Variants in MORN3 observed in about 807,000 individuals in gnomAD.
MORN3 encodes MORN repeat-containing protein 3.
A neutral mutation model predicts 34.7 loss-of-function variants in MORN3; 38 were observed. That is an observed-to-expected ratio of 1.10 (90% CI 0.85 to 1.44). MORN3 has a LOEUF of 1.44. MORN3 is among the 40% of genes most tolerant of loss of function. The probability of loss-of-function intolerance (pLI) is 0.00; values close to 1 mark genes in which losing one functional copy is unlikely to be tolerated. For missense variants in MORN3, 311 were observed against 321.7 expected (o/e 0.97, Z 0.25); for synonymous variants, 109 against 115.3 (o/e 0.95, Z 0.35).
At chr12:121,654,211 G>T in intron 3 of MORN3, 63 bp downstream of exon 3, 1 of 1,393,168 alleles carries the variant, frequency 7.2e-7, no homozygotes, top group Non-Finnish European at 9.7e-7. Context: ...CCAAATGGGC[G>T]TGGCCAGCTC....
chr12:121,669,336 C>T lies in MORN3; in HGVS notation c.145+3G>A. ...CGGCCGCCCGTCCCGGAGTCCCACTCACCGTGTTTCACGTTGTCCTTCCAC... is the reference window on the plus strand; with the variant it reads ...CGGCCGCCCGTCCCGGAGTCCCACTTACCGTGTTTCACGTTGTCCTTCCAC... On this transcript the variant is annotated splice_donor_region_variant and intron_variant, in intron 1 of 5. Transcript: ENST00000355329. The T allele has an allele frequency of 6.2e-7, 1 of 1,613,214 alleles. No homozygotes were observed. The highest frequency in any genetic ancestry group is 8.5e-7 in the Non-Finnish European group (1 of 1,179,448).
intron 1 of MORN3, among the ~76,000 whole-genome samples, chr12:121,662,366 T>G (rs146073658): frequency 6.6e-6 from 1 of 151,834 alleles, no homozygotes; most frequent in East Asian, 1.9e-4. Context: ...ACTCAGTAGG[T>G]TGAGGTAGGA....
chr12:121,669,222 G>C, intron 1 of MORN3, 117 bp downstream of exon 1: 1 of 1,388,660 alleles, frequency 7.2e-7, no homozygotes, highest in Non-Finnish European at 9.9e-7. Context: ...CTCACCCTGG[G>C]GGAGCCTTGG....
At chr12:121,662,219 C>A (rs1893605306) in intron 1 of MORN3, among the ~76,000 whole-genome samples, 1 of 152,046 alleles carries the variant, frequency 6.6e-6, no homozygotes, top group Non-Finnish European at 1.5e-5. Context: ...ATAATCCCAG[C>A]AATTTGGGAG....
At chr12:121,667,630 C>T (rs1893807637) in intron 1 of MORN3, among the ~76,000 whole-genome samples, 1 of 152,120 alleles carries the variant, frequency 6.6e-6, no homozygotes, top group Non-Finnish European at 1.5e-5. Context: ...CTTGAACACC[C>T]CAGGTATATT....
At chr12:121,654,221 CGCT>C in intron 3 of MORN3, 50 bp downstream of exon 3, 1 of 1,354,336 alleles carries the variant, frequency 7.4e-7, no homozygotes, top group Non-Finnish European at 9.8e-7. Flanking sequence ...GTGGCCAGCT[CGCT>C]GCCGGGGGCG....
Position 121,659,333 on chromosome 12 carries a change from A to AC in MORN3, c.160dup (p.Val54GlyfsTer10), listed in dbSNP as rs1029694064. On this transcript the variant is annotated frameshift_variant, in exon 2 of 6. Coordinates refer to ENST00000355329, the MANE Select transcript of MORN3 (RefSeq NM_173855.5). LOFTEE classifies it high-confidence loss of function. Reference sequence around the variant, plus strand: ...ATAGATGGCTCCTTTCTTCTTCCAGACCTGTGTTCCTTTCCCTGGTGACAC... The same window carrying AC: ...ATAGATGGCTCCTTTCTTCTTCCAGACCCTGTGTTCCTTTCCCTGGTGACAC... 6 of 1,613,240 alleles carry AC rather than the reference A, an allele frequency of 3.7e-6. No homozygotes were observed. The African/African-American group carries it at 8.0e-5, about 22-fold the overall frequency.
intron 1 of MORN3, among the ~76,000 whole-genome samples, chr12:121,666,727 C>T (rs913290182): frequency 1.3e-5 from 2 of 152,016 alleles, no homozygotes; most frequent in Non-Finnish European, 2.9e-5. Flanking sequence ...CGTTCTCCTG[C>T]TGGATGTCTC....
intron 2 of MORN3, 75 bp from the exon 3 acceptor site, chr12:121,654,508 C>G (rs914758854): frequency 1.6e-5 from 23 of 1,465,050 alleles, no homozygotes; most frequent in Non-Finnish European, 2.1e-5. Context: ...TCCCAGGCAC[C>G]CCTAGAGCCA....
rs767525874 is a variant in MORN3 at position 121,665,278 on chromosome 12, C to CTTTTTTTTTTT, written c.145+4050_145+4060dup. Among the ~76,000 whole-genome samples, 14 of 50,670 alleles carry CTTTTTTTTTTT rather than the reference C, an allele frequency of 2.8e-4. 1 individual carries two copies. Among genetic ancestry groups the CTTTTTTTTTTT allele is most frequent in the Admixed American group, 1.5e-3 (4 of 2,754 alleles). 33.2% of individuals were successfully genotyped at this position (50,670 alleles called of 152,430 possible). A position where few individuals can be genotyped will look rare whatever the true frequency, so the allele number is the denominator to read the frequency against. On this transcript the variant is annotated intron_variant, in intron 1 of 5. Coordinates refer to ENST00000355329, the MANE Select transcript of MORN3 (RefSeq NM_173855.5). Reference sequence around the variant, plus strand: ...AGATCTCGCGTTTTCTTTTTCTTTCCTTTTTTTTTTTTTTTTTTTTTTTTT... The same window carrying CTTTTTTTTTTT: ...AGATCTCGCGTTTTCTTTTTCTTTCCTTTTTTTTTTTTTTTTTTTTTTTTTTTTTTTTTTTT...
At chr12:121,654,691 G>A (rs1268538786) in intron 2 of MORN3, among the ~76,000 whole-genome samples, 2 of 151,720 alleles carry the variant, frequency 1.3e-5, no homozygotes, top group Non-Finnish European at 2.9e-5. Flanking sequence ...TCCGTCCCCC[G>A]GGTTCAAGTG....
intron 1 of MORN3, among the ~76,000 whole-genome samples, chr12:121,667,966 G>A (rs1263787096): frequency 6.6e-6 from 1 of 151,494 alleles, no homozygotes; most frequent in African/African-American, 2.4e-5. Flanking sequence ...CTCATGATCC[G>A]CCCGCCTCGG....
upstream of MORN3, among the ~76,000 whole-genome samples, chr12:121,672,296 CAA>C (rs35044814): frequency 3.9e-5 from 5 of 129,826 alleles, no homozygotes; most frequent in Admixed American, 7.8e-5. Flanking sequence ...CTTATCTCTA[CAA>C]AAAAAAAAAA....
intron 1 of MORN3, among the ~76,000 whole-genome samples, chr12:121,661,609 G>T (rs1893584993): frequency 6.6e-6 from 1 of 152,116 alleles, no homozygotes; most frequent in Non-Finnish European, 1.5e-5. Flanking sequence ...GGGCGCAGTG[G>T]CTCACGCCTG....
intron 1 of MORN3, among the ~76,000 whole-genome samples, chr12:121,660,738 G>A (rs1295438353): frequency 1.3e-5 from 2 of 148,176 alleles, no homozygotes; most frequent in Admixed American, 6.9e-5. Flanking sequence ...GCACGATCTC[G>A]GCTCACTGCA....
intron 2 of MORN3, 121 bp from the exon 3 acceptor site, chr12:121,654,554 G>A (rs1893360413): frequency 2.7e-6 from 3 of 1,096,638 alleles, no homozygotes; most frequent in Non-Finnish European, 3.8e-6. Context: ...TCAGCCCTAC[G>A]TCCAAGCGGA....
intron 2 of MORN3, among the ~76,000 whole-genome samples, chr12:121,656,385 A>T (rs1356150450): frequency 6.6e-6 from 1 of 152,022 alleles, no homozygotes; most frequent in East Asian, 1.9e-4. Flanking sequence ...GTGTAGTGGC[A>T]CCACCATAGC....
At chr12:121,652,359 G>C (rs1378666858) in intron 5 of MORN3, among the ~76,000 whole-genome samples, 1 of 151,986 alleles carries the variant, frequency 6.6e-6, no homozygotes, top group Non-Finnish European at 1.5e-5. Flanking sequence ...TCAGCCTCTC[G>C]AGTAGCTGGG....
Position 121,669,457 on chromosome 12 carries a change from CT to C in MORN3, c.26del (p.Lys9SerfsTer25), listed in dbSNP as rs766852401. The C allele has an allele frequency of 2.2e-5, 35 of 1,613,808 alleles. No homozygotes were observed. Among genetic ancestry groups the C allele is most frequent in the Non-Finnish European group, 2.1e-5 (25 of 1,179,896 alleles). On this transcript the variant is annotated frameshift_variant, in exon 1 of 6. Transcript: ENST00000355329. LOFTEE classifies it high-confidence loss of function. ...CCCACCCCTTCCACAGGGACTCCGA[CT>C]TTTTTGGGCACTTAGAGACTGGCAT... MPVSKCPKKSESLWKGWDR... is the reference protein window; with the variant it reads MPVSKCPKXSESLWKGWDR...
Sources: allele counts gnomAD v4.1 joint callset (sites outside exome capture counted in the v4.1 genomes callset), GRCh38; gene constraint gnomAD v4.1.1; transcripts MANE v1.5; gene names NCBI Gene and HGNC (gene_info 2026-07-23, HGNC 2026-07-21).